Variants in NDUFAF6 observed in about 807,000 individuals in gnomAD.
NDUFAF6 encodes NADH:ubiquinone oxidoreductase complex assembly factor 6, also known as NADH dehydrogenase (ubiquinone) complex I, assembly factor 6.
A neutral mutation model predicts 40.8 loss-of-function variants in NDUFAF6; 45 were observed. The ratio of observed to expected loss-of-function variants is 1.10; its 90% confidence interval spans 0.87 to 1.42. The LOEUF (loss-of-function observed/expected upper bound fraction) is 1.42. Among genes scored for constraint, NDUFAF6 ranks in the 40% most tolerant of loss-of-function variants. The pLI is 0.00. For missense variants in NDUFAF6, 435 were observed against 418.5 expected, an observed-to-expected ratio of 1.04 and a Z score of -0.34; for synonymous variants, 185 against 155.9, an observed-to-expected ratio of 1.19 and a Z score of -1.39.
At chr8:94,944,243 C>T (rs948041865) in intron 1 of NDUFAF6, among the ~76,000 whole-genome samples, 26 of 152,202 alleles carry the variant, frequency 1.7e-4, no homozygotes, top group African/African-American at 6.3e-4. Context: ...TTTGCTTGTC[C>T]TGAACGAATG....
At chr8:95,072,853 A>T (rs1439008982) in intron 9 of NDUFAF6, 1 of 155,088 alleles carries the variant, frequency 6.4e-6, no homozygotes, top group African/African-American at 2.4e-5. Flanking sequence ...GCAGCAAGAA[A>T]GTGGTACACA....
chr8:94,939,861 T>G, intron 1 of NDUFAF6: 1 of 1,610,280 alleles, frequency 6.2e-7, no homozygotes, highest in Non-Finnish European at 8.5e-7. Context: ...GTAACGTACC[T>G]GGGACTACTT....
intron 1 of NDUFAF6, among the ~76,000 whole-genome samples, chr8:95,030,158 C>T (rs939598106): frequency 6.6e-6 from 1 of 151,796 alleles, no homozygotes; most frequent in African/African-American, 2.4e-5. Flanking sequence ...CCTTCTCTTC[C>T]TATTTATTAA....
intron 2 of NDUFAF6, among the ~76,000 whole-genome samples, chr8:94,949,702 A>G (rs1437302150): frequency 2.6e-5 from 4 of 152,046 alleles, no homozygotes; most frequent in Non-Finnish European, 4.4e-5. Context: ...GCGAGGAAGA[A>G]CCGGCGGGCA....
chr8:94,973,719 A>G (rs947139349), intron 1 of NDUFAF6, among the ~76,000 whole-genome samples: 2 of 151,644 alleles, frequency 1.3e-5, no homozygotes, highest in African/African-American at 2.4e-5. Context: ...AAAAAAAAAA[A>G]AAAAAGAAAG....
intron 2 of NDUFAF6, chr8:95,087,808 A>C (rs1809099039): frequency 6.6e-6 from 1 of 152,296 alleles, no homozygotes. Context: ...ACAGAACCGC[A>C]GTGTCTTCCC....
intron 1 of NDUFAF6, among the ~76,000 whole-genome samples, chr8:94,906,389 A>G (rs964739440): frequency 3.3e-5 from 5 of 151,976 alleles, no homozygotes; most frequent in African/African-American, 1.2e-4. Context: ...TGGTGACCCC[A>G]TATGTATTTC....
intron 1 of NDUFAF6, among the ~76,000 whole-genome samples, chr8:94,963,036 C>T (rs1228098065): frequency 6.6e-6 from 1 of 152,048 alleles, no homozygotes; most frequent in African/African-American, 2.4e-5. Flanking sequence ...ACTGATCCAC[C>T]TGCCTCGGCC....
intron 1 of NDUFAF6, chr8:94,927,955 G>A (rs896888728): frequency 1.3e-5 from 2 of 152,016 alleles, no homozygotes; most frequent in African/African-American, 4.8e-5. Context: ...ATGTTTCAGA[G>A]AATACTTAAC....
At chr8:95,056,563 A>G (rs1415923994) in intron 8 of NDUFAF6, among the ~76,000 whole-genome samples, 3 of 152,074 alleles carry the variant, frequency 2.0e-5, no homozygotes, top group East Asian at 3.9e-4. Flanking sequence ...CAGCTGGGAC[A>G]TTGATGCATG....
chr8:95,105,792 C>T (rs1809826618), downstream of NDUFAF6, among the ~76,000 whole-genome samples: 1 of 151,882 alleles, frequency 6.6e-6, no homozygotes, highest in Non-Finnish European at 1.5e-5. Context: ...TGAACCACCA[C>T]ACCTGGCCAA....
chr8:95,103,002 C>T (rs144891873), exon 3 of NDUFAF6: 21 of 152,240 alleles, frequency 1.4e-4, no homozygotes, highest in South Asian at 4.1e-4. Context: ...TACCTTATGA[C>T]GACAAGATGG....
intron 8 of NDUFAF6, among the ~76,000 whole-genome samples, chr8:95,056,978 A>G (rs570011189): frequency 8.5e-5 from 13 of 152,232 alleles, no homozygotes; most frequent in Admixed American, 3.9e-4. Context: ...AGGAAAAAAA[A>G]GTCTGGAAGA....
At chr8:94,939,217 T>A (rs1821282806) in intron 1 of NDUFAF6, among the ~76,000 whole-genome samples, 1 of 152,212 alleles carries the variant, frequency 6.6e-6, no homozygotes, top group African/African-American at 2.4e-5. Context: ...TTTTAAGACA[T>A]GATATTCTAG....
intron 1 of NDUFAF6, among the ~76,000 whole-genome samples, chr8:94,963,611 G>A (rs992562916): frequency 3.9e-5 from 6 of 152,244 alleles, no homozygotes; most frequent in African/African-American, 1.4e-4. Context: ...GTTGGAACAA[G>A]GGCCGTAGCC....
At chr8:94,975,139 C>G (rs1202940633) in intron 1 of NDUFAF6, among the ~76,000 whole-genome samples, 6 of 152,212 alleles carry the variant, frequency 3.9e-5, no homozygotes, top group African/African-American at 1.4e-4. Context: ...TGGGATAGAG[C>G]AAGTCTTCCT....
intron 1 of NDUFAF6, among the ~76,000 whole-genome samples, chr8:94,935,225 A>G (rs1820868565): frequency 6.6e-6 from 1 of 152,132 alleles, no homozygotes. Context: ...CAACACTAAC[A>G]ATAGGGATAT....
chr8:94,914,103 C>CTTTTT (rs563687562), intron 1 of NDUFAF6, among the ~76,000 whole-genome samples: 7 of 98,198 alleles, frequency 7.1e-5, no homozygotes, highest in Non-Finnish European at 1.2e-4. Context: ...GACCTTATCT[C>CTTTTT]TTTTTTTTTT....
intron 1 of NDUFAF6, among the ~76,000 whole-genome samples, chr8:95,025,664 G>C (rs150642507): frequency 2.0e-5 from 3 of 152,296 alleles, no homozygotes; most frequent in African/African-American, 4.8e-5. Context: ...AAAGCATTTA[G>C]AACAATTCCT....
Sources: gnomAD v4.1 joint callset for allele counts (sites outside exome capture counted in the v4.1 genomes callset) on GRCh38, gnomAD v4.1.1 for gene constraint, MANE v1.5 for transcripts, NCBI Gene and HGNC (gene_info 2026-07-23, HGNC 2026-07-21) for gene names.